TENM2: variants seen among roughly 807,000 people sequenced by gnomAD.
The protein encoded by TENM2 is teneurin transmembrane protein 2, also known as teneurin-2.
A neutral mutation model predicts 245.2 loss-of-function variants in TENM2; 52 were observed. The observed-to-expected ratio is 0.21, with a 90% confidence interval of 0.17 to 0.27. TENM2 has a LOEUF of 0.27. TENM2 is among the 10% of genes least tolerant of loss of function. The probability of loss-of-function intolerance (pLI) is 1.00; values close to 1 mark genes in which losing one functional copy is unlikely to be tolerated. For missense variants in TENM2, 3,046 were observed against 3,666.8 expected, an observed-to-expected ratio of 0.83 and a Z score of 4.37; for synonymous variants, 1,363 against 1,438.9, an observed-to-expected ratio of 0.95 and a Z score of 1.19.
chr5:168,261,172 G>T (rs115204644), intron 28 of TENM2, among the ~76,000 whole-genome samples: 1 of 152,018 alleles, frequency 6.6e-6, no homozygotes, highest in Non-Finnish European at 1.5e-5. Context: ...TCTAAGTGCC[G>T]TTACCTCCCA....
rs576400360 is a variant in TENM2 at position 167,743,794 on chromosome 5, A to C, written c.503-132192A>C. ...ACCTTTGCTATTAAAAAGAAAAAGA[A>C]AGAAGAAAAAGTAGATCTTTTAATC... On this transcript the variant is annotated intron_variant, in intron 2 of 28. Coordinates refer to ENST00000518659, the Ensembl canonical transcript of TENM2. Among the ~76,000 whole-genome samples, 30 of 152,310 alleles carry C rather than the reference A, an allele frequency of 2.0e-4. No homozygotes were observed. In the East Asian group the frequency reaches 5.8e-3, roughly 29 times the overall value.
chr5:167,011,099 A>T, the TENM2 span, among the ~76,000 whole-genome samples: 4 of 152,220 alleles, frequency 2.6e-5, no homozygotes, highest in Non-Finnish European at 5.9e-5. Context: ...ACATATTGAC[A>T]TATAAATTAT....
the TENM2 span, among the ~76,000 whole-genome samples, chr5:167,043,805 C>T: frequency 6.6e-6 from 1 of 152,168 alleles, no homozygotes; most frequent in Non-Finnish European, 1.5e-5. Flanking sequence ...GGGCGGATCA[C>T]AAGGTCAAGT....
At chr5:167,042,828 A>G in the TENM2 span, among the ~76,000 whole-genome samples, 1 of 152,182 alleles carries the variant, frequency 6.6e-6, no homozygotes, top group East Asian at 1.9e-4. Context: ...AGTCAGATTC[A>G]TCCTTATTTT....
the TENM2 span, among the ~76,000 whole-genome samples, chr5:167,115,338 A>T: frequency 6.6e-6 from 1 of 152,142 alleles, no homozygotes; most frequent in South Asian, 2.1e-4. Flanking sequence ...TTGACATTTC[A>T]TCTCCTTTAA....
At chr5:167,898,499 A>G (rs1180139303) in intron 3 of TENM2, among the ~76,000 whole-genome samples, 6 of 152,162 alleles carry the variant, frequency 3.9e-5, no homozygotes, top group Admixed American at 3.9e-4. Flanking sequence ...GCCAACCCAG[A>G]AACTCTGATG....
At chr5:167,156,841 T>G in the TENM2 span, among the ~76,000 whole-genome samples, 2 of 152,332 alleles carry the variant, frequency 1.3e-5, no homozygotes, top group South Asian at 4.1e-4. Flanking sequence ...GTGGCTCGTC[T>G]TGGCACCGCT....
At chr5:167,299,612 C>A (rs944063720) in intron 1 of TENM2, among the ~76,000 whole-genome samples, 7 of 152,106 alleles carry the variant, frequency 4.6e-5, no homozygotes, top group Non-Finnish European at 1.0e-4. Context: ...AGGCTAGTGG[C>A]CTGTACTATA....
At chr5:167,731,005 T>A (rs371940605) in intron 2 of TENM2, among the ~76,000 whole-genome samples, 1 of 152,180 alleles carries the variant, frequency 6.6e-6, no homozygotes, top group Admixed American at 6.5e-5. Flanking sequence ...GCACCTAGTT[T>A]TACTCTGATT....
the TENM2 span, among the ~76,000 whole-genome samples, chr5:167,080,147 A>G: frequency 0.041 from 6,304 of 152,322 alleles, 174 homozygotes; most frequent in South Asian, 0.091. Flanking sequence ...TATAAGTTGA[A>G]TAGAAGATAA....
At chr5:167,814,825 G>T (rs1377619393) in intron 2 of TENM2, among the ~76,000 whole-genome samples, 1 of 152,102 alleles carries the variant, frequency 6.6e-6, no homozygotes, top group Non-Finnish European at 1.5e-5. Context: ...GTAAAGGAAA[G>T]AATTGAAGAC....
At chr5:167,900,938 G>A (rs369823095) in intron 3 of TENM2, among the ~76,000 whole-genome samples, 4 of 152,050 alleles carry the variant, frequency 2.6e-5, no homozygotes, top group African/African-American at 4.8e-5. Flanking sequence ...GGAGTCCTGC[G>A]GGGTGGGGGA....
intron 13 of TENM2, among the ~76,000 whole-genome samples, chr5:168,174,800 T>C (rs1467603312): frequency 2.0e-5 from 3 of 152,114 alleles, no homozygotes; most frequent in Non-Finnish European, 2.9e-5. Flanking sequence ...TTCACTGAGG[T>C]CCTTTCCACA....
At chr5:168,112,613 G>GA (rs1554199721) in intron 9 of TENM2, among the ~76,000 whole-genome samples, 2 of 120,810 alleles carry the variant, frequency 1.7e-5, no homozygotes, top group African/African-American at 6.2e-5. Context: ...GGGCGGGGGG[G>GA]GGGTCAAACT....
At chr5:168,054,584 TG>T (rs896740058) in intron 6 of TENM2, among the ~76,000 whole-genome samples, 4 of 152,280 alleles carry the variant, frequency 2.6e-5, no homozygotes, top group Non-Finnish European at 1.5e-5. Flanking sequence ...TTCATTTCCC[TG>T]GTATGACTAT....
At chr5:167,209,247 A>T in the TENM2 span, among the ~76,000 whole-genome samples, 2 of 152,082 alleles carry the variant, frequency 1.3e-5, no homozygotes, top group East Asian at 1.9e-4. Context: ...AACATTTTTT[A>T]AAAGTTAGCT....
chr5:167,200,363 T>G, the TENM2 span, among the ~76,000 whole-genome samples: 1 of 152,178 alleles, frequency 6.6e-6, no homozygotes, highest in African/African-American at 2.4e-5. Context: ...CACTTAGCTC[T>G]TATTTGTGTC....
intron 2 of TENM2, among the ~76,000 whole-genome samples, chr5:167,609,586 G>C (rs1035887453): frequency 6.8e-6 from 1 of 147,044 alleles, no homozygotes; most frequent in African/African-American, 2.5e-5. Flanking sequence ...ACTTCCAACA[G>C]ACTGCCCTTT....
intron 6 of TENM2, among the ~76,000 whole-genome samples, chr5:168,054,796 A>G (rs905355897): frequency 5.9e-5 from 9 of 151,504 alleles, no homozygotes; most frequent in Admixed American, 3.9e-4. Flanking sequence ...TACATGAGCA[A>G]TCTTCCGTGG....
Sources: allele counts gnomAD v4.1 joint callset (sites outside exome capture counted in the v4.1 genomes callset), GRCh38; gene constraint gnomAD v4.1.1; transcripts MANE v1.5; gene names NCBI Gene and HGNC (gene_info 2026-07-23, HGNC 2026-07-21).